Variants in KIF1C observed in about 807,000 individuals in gnomAD.
The protein encoded by KIF1C is kinesin-like protein KIF1C.
A neutral mutation model predicts 126.5 loss-of-function variants in KIF1C; 61 were observed. The ratio of observed to expected loss-of-function variants is 0.48; its 90% CI spans 0.39 to 0.60. The LOEUF is 0.60. Ranked by LOEUF, KIF1C falls within the 20% of genes least tolerant of loss-of-function variation. The probability of loss-of-function intolerance (pLI) is 0.00; values close to 1 mark genes in which losing one functional copy is unlikely to be tolerated. For missense variants in KIF1C, 1,315 were observed against 1,489.2 expected, an observed-to-expected ratio of 0.88 and a Z score of 1.93; for synonymous variants, 640 against 580.6, an observed-to-expected ratio of 1.10 and a Z score of -1.47.
At chr17:5,005,704 G>T (rs1439698015) in intron 13 of KIF1C, among the ~76,000 whole-genome samples, 1 of 151,752 alleles carries the variant, frequency 6.6e-6, no homozygotes, top group Non-Finnish European at 1.5e-5. Context: ...CGTGGGACCA[G>T]TTTCAGCTCA....
chr17:5,003,280 C>G (rs1974647413), intron 8 of KIF1C, among the ~76,000 whole-genome samples: 1 of 152,104 alleles, frequency 6.6e-6, no homozygotes, highest in South Asian at 2.1e-4. Context: ...CTCCTGACCT[C>G]AGGTGATCCA....
chr17:5,024,140 G>C lies in KIF1C; in HGVS notation c.3301G>C (p.Ala1101Pro). Reference protein sequence around the residue: ...RSAPDLKESGAAV With the variant: ...RSAPDLKESGPAV Reference sequence around the variant, plus strand: ...TGCCCCTGACCTCAAGGAGAGTGGGGCAGCTGTGTGAGTCCCACATCCTGG... The same window carrying C: ...TGCCCCTGACCTCAAGGAGAGTGGGCCAGCTGTGTGAGTCCCACATCCTGG... The change falls in exon 23 of 23, where the codon GCA (alanine) becomes CCA (proline). Residue 1101 changes from alanine (A) to proline (P), a missense_variant. Coordinates refer to ENST00000320785, the MANE Select transcript of KIF1C (RefSeq NM_006612.6). 6.2e-7 allele frequency: 1 copy of C among 1,609,078 alleles called. No homozygotes were observed. Among genetic ancestry groups the C allele is most frequent in the Non-Finnish European group, 8.5e-7 (1 of 1,177,548 alleles).
At chr17:5,015,451 T>C (rs1479155696) in intron 18 of KIF1C, among the ~76,000 whole-genome samples, 1 of 151,702 alleles carries the variant, frequency 6.6e-6, no homozygotes, top group Non-Finnish European at 1.5e-5. Flanking sequence ...GCCTGGCTAA[T>C]TTTGTGTTTT....
chr17:5,019,461 G>C (rs1479155483), intron 18 of KIF1C: 1 of 172,990 alleles, frequency 5.8e-6, no homozygotes, highest in Non-Finnish European at 1.4e-5. Flanking sequence ...TCAGTGATTT[G>C]TACTGAGGAG....
rs568266722 is a variant in KIF1C, at chr17:5,022,534, G to C, written c.2453G>C (p.Gly818Ala). The change falls in exon 22 of 23, where the codon GGT (glycine) becomes GCT (alanine). Residue 818 changes from glycine (G) to alanine (A), a missense_variant. Physicochemically the swap from Gly to Ala is moderately conservative, Grantham distance 60. This residue lies in a region of KIF1C where 441 missense variants were observed against 436.1 expected (regional missense o/e 1.01). Transcript: ENST00000320785. This position sits in a 1 kb window ranked among gnomAD's most constrained non-coding sequence, Gnocchi z 4.9. Reference protein sequence around the residue: ...GEEEGGGAGSGGGSEEGARGA... With the variant: ...GEEEGGGAGSAGGSEEGARGA... ...GAGGAAGGAGGTGGAGCTGGCAGTG[G>C]TGGTGGCAGTGAGGAGGGAGCCCGA... The C allele has an allele frequency of 1.3e-6, 2 of 1,587,502 alleles. No homozygotes were observed. Among genetic ancestry groups the C allele is most frequent in the Admixed American group, 1.8e-5 (1 of 55,556 alleles).
chr17:5,007,269 GAGA>G lies in KIF1C; in HGVS notation c.1346_1348del (p.Lys449del). On this transcript the variant is annotated inframe_deletion, in exon 15 of 23. Coordinates refer to ENST00000320785, the MANE Select transcript of KIF1C (RefSeq NM_006612.6). Reference sequence around the variant, plus strand: ...ACCCACCTTACGCCCCCAGGAGACAGAGAAGATTATAGCTGAGCTGAACGAGAC... The same window carrying G: ...ACCCACCTTACGCCCCCAGGAGACAGAGATTATAGCTGAGCTGAACGAGAC... The G allele has an allele frequency of 1.2e-6, 2 of 1,608,500 alleles. No individual in the cohort carries two copies. The highest frequency in any genetic ancestry group is 1.7e-6 in the Non-Finnish European group (2 of 1,177,376).
Position 5,024,328 on chromosome 17 carries a change from G to T in KIF1C, c.*177G>T. On this transcript the variant is annotated 3_prime_UTR_variant, in exon 23 of 23. Transcript: ENST00000320785. Reference sequence around the variant, plus strand: ...GAGCCGGAGGCTGAGGAAAGGAAGAGGGCACGGAGTTGCCAGGAGCAAACC... The same window carrying T: ...GAGCCGGAGGCTGAGGAAAGGAAGATGGCACGGAGTTGCCAGGAGCAAACC... 1 of 526,526 alleles carries T rather than the reference G, an allele frequency of 1.9e-6. No individual in the cohort carries two copies. Among genetic ancestry groups the T allele is most frequent in the Non-Finnish European group, 3.3e-6 (1 of 301,624 alleles). 32.6% of individuals were successfully genotyped at this position (526,526 alleles called of 1,614,324 possible). A position where few individuals can be genotyped will look rare whatever the true frequency, so the allele number is the denominator to read the frequency against.
chr17:5,026,017 A>G lies in KIF1C; in HGVS notation c.*1866A>G, dbSNP rs1975202952. The G allele has an allele frequency of 6.6e-6, 1 of 152,172 alleles. No homozygotes were observed. The highest frequency in any genetic ancestry group is 1.5e-5 in the Non-Finnish European group (1 of 68,038). The allele number at this position is 152,172 out of a possible 1,614,324, so 9.4% of individuals were successfully genotyped here. A position where few individuals can be genotyped will look rare whatever the true frequency, so the allele number is the denominator to read the frequency against. ...ACACTTTGACCCACTTGAAGCTCTG[A>G]GCTACTGCTTCACAGCTTCCTGGGG... On this transcript the variant is annotated 3_prime_UTR_variant, in exon 23 of 23. Transcript: ENST00000320785.
intron 11 of KIF1C, 144 bp from the exon 12 acceptor site, chr17:5,004,417 CATGGTT>C (rs1974676877): frequency 1.4e-6 from 1 of 721,514 alleles, no homozygotes; most frequent in East Asian, 2.5e-5. Flanking sequence ...AACCAGATGT[CATGGTT>C]AGCTCCACCC....
At position 5,000,826 on chromosome 17, in the gene KIF1C, A is replaced by G. The variant is rs1258435489; in HGVS notation, c.161A>G (p.Tyr54Cys). 11 of 1,613,606 alleles carry G rather than the reference A, an allele frequency of 6.8e-6. No homozygotes were observed. The highest frequency in any genetic ancestry group is 1.6e-4 in the Middle Eastern group (1 of 6,062). Residue 54 changes from tyrosine (Y) to cysteine (C), a missense_variant, in exon 4 of 23, where the codon TAC becomes TGC. Around this residue, in one of 2 missense-constraint regions of KIF1C, gnomAD observed 874 missense variants for 1,053.2 expected, o/e 0.83. Coordinates refer to ENST00000320785, the MANE Select transcript of KIF1C (RefSeq NM_006612.6). ...GCCCCCAAAAGCTTCACCTTTGACT[A>G]CTCCTACTGGTCACACACTTCGGTG... is the stretch of plus-strand genomic sequence containing the variant. ...KDAPKSFTFD[Y>C]SYWSHTSTED...
At chr17:5,013,194 C>T (rs564592099) in intron 16 of KIF1C, among the ~76,000 whole-genome samples, 3 of 152,296 alleles carry the variant, frequency 2.0e-5, no homozygotes, top group Admixed American at 2.0e-4. Flanking sequence ...CTCACTCAGT[C>T]TCCCCCAACT....
In KIF1C at chr17:5,003,810, G is replaced by T. The variant is rs745693630; in HGVS notation, c.799-41G>T. On this transcript the variant is annotated intron_variant, in intron 9 of 22. Transcript: ENST00000320785. ...AGGAAGCGGAAGTGGATCACATTGG[G>T]AGAAGAGGGTCTCATCCCCACATTC... 5.0e-6 allele frequency: 8 copies of T among 1,591,660 alleles called. 1 individual carries two copies. In the South Asian group the frequency reaches 8.8e-5, roughly 18 times the overall value.
rs566261811 is a variant in KIF1C at position 5,021,673 on chromosome 17, GGT to G, written c.2011-418_2011-417del. 1.0e-3 allele frequency among the ~76,000 whole-genome samples: 158 copies of G among 151,810 alleles called. 1 individual carries two copies. The highest frequency in any genetic ancestry group is 3.7e-3 in the African/African-American group (152 of 41,312). On this transcript the variant is annotated intron_variant, in intron 21 of 22. Coordinates refer to ENST00000320785, the MANE Select transcript of KIF1C (RefSeq NM_006612.6). ...ATTTTTTATTTTTTGTAGAGGTGGG[GGT>G]CTCACTACATTACCCAGGCTGGTCT... is the stretch of plus-strand genomic sequence containing the variant.
Position 5,023,860 on chromosome 17 carries a change from G to A in KIF1C, c.3021G>A (p.Glu1007=), listed in dbSNP as rs766214541. The A allele has an allele frequency of 3.3e-6, 5 of 1,527,194 alleles. No homozygotes were observed. The East Asian group carries it at 9.1e-5, about 28-fold the overall frequency. 94.6% of individuals were successfully genotyped at this position (1,527,194 alleles called of 1,614,324 possible). A position where few individuals can be genotyped will look rare whatever the true frequency, so the allele number is the denominator to read the frequency against. ...GEAPTPLQPP[E]EVTPHPATPA... ...CTCCAACTCCGCTCCAACCCCCTGAGGAGGTCACTCCCCATCCAGCCACCC... is the reference window on the plus strand; with the variant it reads ...CTCCAACTCCGCTCCAACCCCCTGAAGAGGTCACTCCCCATCCAGCCACCC... The change falls in exon 23 of 23, where the codon GAG becomes GAA. Residue 1007 remains glutamate (E), a synonymous_variant. Coordinates refer to ENST00000320785, the MANE Select transcript of KIF1C (RefSeq NM_006612.6). This position sits in a 1 kb window ranked among gnomAD's most constrained non-coding sequence, Gnocchi z 4.2.
At position 5,023,277 on chromosome 17, in the gene KIF1C, C is replaced by T. The variant is rs1384691359; in HGVS notation, c.2629-191C>T. On this transcript the variant is annotated intron_variant, in intron 22 of 22. Transcript: ENST00000320785. The surrounding 1 kb of genome is among the most constrained non-coding windows in gnomAD (Gnocchi z 4.2). ...CTTGTGATCCGCCCACCTCAGCTTCCCAAAGTGCTGCGATTACAGGCGTGA... is the reference window on the plus strand; with the variant it reads ...CTTGTGATCCGCCCACCTCAGCTTCTCAAAGTGCTGCGATTACAGGCGTGA... 1.3e-5 allele frequency among the ~76,000 whole-genome samples: 2 copies of T among 152,114 alleles called. No homozygotes were observed. The highest frequency in any genetic ancestry group is 4.8e-5 in the African/African-American group (2 of 41,388).
intron 18 of KIF1C, among the ~76,000 whole-genome samples, chr17:5,017,694 T>TA (rs1975003505): frequency 6.6e-6 from 1 of 151,808 alleles, no homozygotes; most frequent in East Asian, 1.9e-4. Flanking sequence ...TGTAGAAGAA[T>TA]GGTTTTTACT....
rs1324951439 is a variant in KIF1C at position 5,022,473 on chromosome 17, G to A, written c.2392G>A (p.Ala798Thr). 2 of 1,586,430 alleles carry A rather than the reference G, an allele frequency of 1.3e-6. No individual in the cohort carries two copies. The highest frequency in any genetic ancestry group is 2.3e-5 in the South Asian group (2 of 87,738). Residue 798 changes from alanine to threonine, a missense_variant, in exon 22 of 23, where the codon GCT becomes ACT. By Grantham distance (58) the Ala-to-Thr change is moderately conservative. This residue lies in a region of KIF1C where 441 missense variants were observed against 436.1 expected (regional missense o/e 1.01). Transcript: ENST00000320785. This position sits in a 1 kb window ranked among gnomAD's most constrained non-coding sequence, Gnocchi z 4.9. ...AGACGGCCCCGGAGACGCCTGGAGG[G>A]CTGTGGCCCGGGATGTCTGGGACAC... is the stretch of plus-strand genomic sequence containing the variant. Reference protein sequence around the residue: ...KPDGPGDAWRAVARDVWDTVG... With the variant: ...KPDGPGDAWRTVARDVWDTVG...
chr17:5,003,944 G>A (rs1255006723), intron 10 of KIF1C, 28 bp downstream of exon 10: 1 of 1,611,466 alleles, frequency 6.2e-7, no homozygotes, highest in African/African-American at 1.3e-5. Context: ...GAAAGAAGGG[G>A]CTTGGGAAAG....
chr17:5,002,899 G>A, intron 8 of KIF1C, 57 bp downstream of exon 8: 4 of 1,395,408 alleles, frequency 2.9e-6, no homozygotes, highest in South Asian at 1.2e-5. Context: ...TGGCAACAGG[G>A]ACAGTGACAT....
Sources: allele counts gnomAD v4.1 joint callset (sites outside exome capture counted in the v4.1 genomes callset), GRCh38; gene constraint gnomAD v4.1.1; regional missense constraint gnomAD v4.1.1; non-coding constraint Gnocchi (gnomAD v3.1); transcripts MANE v1.5; gene names NCBI Gene and HGNC (gene_info 2026-07-23, HGNC 2026-07-21).